Variants in SEPTIN6 observed in about 807,000 individuals in gnomAD.
SEPTIN6 encodes the protein septin 6.
A neutral mutation model predicts 33.6 loss-of-function variants in SEPTIN6; 8 were observed. The observed-to-expected ratio is 0.24, with a 90% CI of 0.14 to 0.43. The LOEUF (loss-of-function observed/expected upper bound fraction) is 0.43. Ranked by LOEUF, SEPTIN6 falls within the 20% of genes least tolerant of loss-of-function variation. The pLI is 1.00. For missense variants in SEPTIN6, 250 were observed against 340.8 expected, an observed-to-expected ratio of 0.73 and a Z score of 2.10; for synonymous variants, 131 against 140.0, an observed-to-expected ratio of 0.94 and a Z score of 0.45.
At chrX:119,661,780 C>A (rs2147575724) in intron 3 of SEPTIN6, among the ~76,000 whole-genome samples, 1 of 111,830 alleles carries the variant, frequency 8.9e-6, no homozygotes, top group South Asian at 3.8e-4. Flanking sequence ...GCTCTGCCGC[C>A]CAGGCTGGAG....
In SEPTIN6 at chrX:119,619,189, G is replaced by A. The variant is rs989193039; in HGVS notation, c.*904C>T. ...ACAGCTCAGTTTTCCAGCCTACAAA[G>A]TGGGATTTATTATTCCTGCTACTGG... On this transcript the variant is annotated 3_prime_UTR_variant, in exon 11 of 11. Transcript: ENST00000394610. 3.6e-6 allele frequency: 3 copies of A among 832,416 alleles called. No individual in the cohort carries two copies. The highest frequency in any genetic ancestry group is 4.3e-6 in the Non-Finnish European group (3 of 689,760). 68.6% of individuals were successfully genotyped at this position (832,416 alleles called of 1,213,427 possible). A position where few individuals can be genotyped will look rare whatever the true frequency, so the allele number is the denominator to read the frequency against.
At chrX:119,677,805 G>A (rs1024360035) in intron 1 of SEPTIN6, among the ~76,000 whole-genome samples, 71 of 112,623 alleles carry the variant, frequency 6.3e-4, no homozygotes, top group African/African-American at 1.9e-3. Flanking sequence ...GGCTAGTGCC[G>A]GTGAATGCCA....
chrX:119,650,549 A>C (rs1183011596), intron 4 of SEPTIN6, among the ~76,000 whole-genome samples: 2 of 111,547 alleles, frequency 1.8e-5, no homozygotes, highest in Non-Finnish European at 3.8e-5. Flanking sequence ...ACTGCTTGGG[A>C]GACTTGAAGC....
At chrX:119,687,248 C>CTTTT (rs761167270) in intron 1 of SEPTIN6, among the ~76,000 whole-genome samples, 10 of 97,601 alleles carry the variant, frequency 1.0e-4, no homozygotes, top group Non-Finnish European at 1.2e-4. Context: ...TTTCATCTGT[C>CTTTT]TTTTTTTTTT....
At chrX:119,665,917 T>A (rs112320379) in intron 2 of SEPTIN6, among the ~76,000 whole-genome samples, 7,886 of 109,241 alleles carry the variant, frequency 0.072, 544 homozygotes, top group African/African-American at 0.21. Flanking sequence ...CCGTCTCTAC[T>A]AAAAAAATAC....
At chrX:119,668,741 C>T (rs1022445463) in intron 2 of SEPTIN6, among the ~76,000 whole-genome samples, 1 of 111,586 alleles carries the variant, frequency 9.0e-6, no homozygotes, top group Non-Finnish European at 1.9e-5. Flanking sequence ...TCAGTTGAGG[C>T]CAGGAATTCG....
chrX:119,621,496 T>TGTGTGTGTGTGTG (rs1234941843), intron 10 of SEPTIN6, among the ~76,000 whole-genome samples: 62 of 102,672 alleles, frequency 6.0e-4, no homozygotes, highest in South Asian at 1.3e-3. Context: ...TGTGTGTGTA[T>TGTGTGTGTGTGTG]TTTTATTTCT....
Position 119,619,539 on chromosome X carries a change from C to T in SEPTIN6, c.*554G>A. 1 of 817,651 alleles carries T rather than the reference C, an allele frequency of 1.2e-6. No homozygotes were observed. Among genetic ancestry groups the T allele is most frequent in the East Asian group, 6.5e-5 (1 of 15,300 alleles). 67.4% of individuals were successfully genotyped at this position (817,651 alleles called of 1,213,427 possible). ...ACTCAAAGGTTAGAAGGAAAAGGCG[C>T]CAAAGGCTGTCCTTTTGAAACCCTC... On this transcript the variant is annotated 3_prime_UTR_variant, in exon 11 of 11. Transcript: ENST00000394610.
At position 119,680,819 on chromosome X, in the gene SEPTIN6, A is replaced by G. The variant is rs1454329314; in HGVS notation, c.31-5151T>C. 5.5e-5 allele frequency among the ~76,000 whole-genome samples: 6 copies of G among 108,381 alleles called. No homozygotes were observed. In the East Asian group the frequency reaches 1.5e-3, roughly 27 times the overall value. 94.1% of individuals were successfully genotyped at this position (108,381 alleles called of 115,157 possible). A position where few individuals can be genotyped will look rare whatever the true frequency, so the allele number is the denominator to read the frequency against. On this transcript the variant is annotated intron_variant, in intron 1 of 10. Transcript: ENST00000394610. ...AACATGGTGAAACCCCGTCTCTACT[A>G]AAAATACAAAAATTGGCTGGGCGCG... is the stretch of plus-strand genomic sequence containing the variant.
intron 3 of SEPTIN6, 24 bp downstream of exon 3, chrX:119,663,458 A>AAAC: frequency 2.7e-5 from 20 of 730,668 alleles, no homozygotes; most frequent in Non-Finnish European, 3.8e-5. Context: ...TCCCCACCCT[A>AAAC]CCCCACCCCA....
rs1268110260 is a variant in SEPTIN6 at position 119,693,135 on chromosome X, G to A, written c.-30C>T. 8.6e-7 allele frequency: 1 copy of A among 1,166,009 alleles called. No individual in the cohort carries two copies. Among genetic ancestry groups the A allele is most frequent in the Admixed American group, 2.6e-5 (1 of 38,977 alleles). On this transcript the variant is annotated 5_prime_UTR_variant, in exon 1 of 11. Transcript: ENST00000394610. ...CCTGCGTCCGCCAGGGCTGCCACGG[G>A]TGCCGCCGCAACGGGAGCTACTGCA...
chrX:119,636,966 C>A, intron 7 of SEPTIN6, 61 bp downstream of exon 7: 1 of 1,153,553 alleles, frequency 8.7e-7, no homozygotes, highest in East Asian at 3.0e-5. Flanking sequence ...AAGGCTTCCA[C>A]ACCACCTGAG....
chrX:119,641,024 C>A (rs1296926631), intron 5 of SEPTIN6, among the ~76,000 whole-genome samples: 1 of 112,270 alleles, frequency 8.9e-6, no homozygotes, highest in East Asian at 2.8e-4. Context: ...TGGCTGAATG[C>A]ATAGGGAACA....
At chrX:119,633,798 G>A (rs993131793) in intron 7 of SEPTIN6, among the ~76,000 whole-genome samples, 6 of 112,207 alleles carry the variant, frequency 5.3e-5, no homozygotes, top group Middle Eastern at 4.2e-3. Flanking sequence ...AAGGCCCCAC[G>A]GCTAGTTAGA....
chrX:119,617,462 G>A lies in SEPTIN6; in HGVS notation c.*2631C>T, dbSNP rs949158904. 2 of 802,211 alleles carry A rather than the reference G, an allele frequency of 2.5e-6. No individual in the cohort carries two copies. Among genetic ancestry groups the A allele is most frequent in the African/African-American group, 4.4e-5 (2 of 45,418 alleles). 66.1% of individuals were successfully genotyped at this position (802,211 alleles called of 1,213,427 possible). A position where few individuals can be genotyped will look rare whatever the true frequency, so the allele number is the denominator to read the frequency against. On this transcript the variant is annotated 3_prime_UTR_variant, in exon 11 of 11. Coordinates refer to ENST00000394610, the MANE Select transcript of SEPTIN6 (RefSeq NM_145799.4). Reference sequence around the variant, plus strand: ...GGCACCTGTTACACACAGTCTCCTGGACCCCGTTCCAGCCTTGCAGCATCA... The same window carrying A: ...GGCACCTGTTACACACAGTCTCCTGAACCCCGTTCCAGCCTTGCAGCATCA...
chrX:119,618,133 C>T lies in SEPTIN6; in HGVS notation c.*1960G>A, dbSNP rs1195892702. 7 of 792,043 alleles carry T rather than the reference C, an allele frequency of 8.8e-6. No homozygotes were observed. The African/African-American group carries it at 9.1e-5, about 10-fold the overall frequency. The allele number at this position is 792,043 out of a possible 1,213,427, so 65.3% of individuals were successfully genotyped here. A position where few individuals can be genotyped will look rare whatever the true frequency, so the allele number is the denominator to read the frequency against. ...AGACCTGACAGGCCTAACTCAGCAT[C>T]TCTCTGAGCTACTGGCTGAGTATCT... On this transcript the variant is annotated 3_prime_UTR_variant, in exon 11 of 11. Transcript: ENST00000394610.
At chrX:119,636,506 T>C (rs1191940865) in intron 7 of SEPTIN6, among the ~76,000 whole-genome samples, 1 of 111,966 alleles carries the variant, frequency 8.9e-6, no homozygotes, top group Non-Finnish European at 1.9e-5. Flanking sequence ...AGGACAGCAA[T>C]TGGAGAGCCT....
chrX:119,687,211 CTT>C (rs1449487830), intron 1 of SEPTIN6, among the ~76,000 whole-genome samples: 1 of 107,685 alleles, frequency 9.3e-6, no homozygotes, highest in African/African-American at 3.4e-5. Flanking sequence ...TTCTTTCCTT[CTT>C]TTTCCTTCTT....
In SEPTIN6 at chrX:119,618,144, A is replaced by C; in HGVS notation, c.*1949T>G. 1.3e-6 allele frequency: 1 copy of C among 775,225 alleles called. No individual in the cohort carries two copies. The highest frequency in any genetic ancestry group is 1.5e-6 in the Non-Finnish European group (1 of 651,043). The allele number at this position is 775,225 out of a possible 1,213,427, so 63.9% of individuals were successfully genotyped here. A position where few individuals can be genotyped will look rare whatever the true frequency, so the allele number is the denominator to read the frequency against. On this transcript the variant is annotated 3_prime_UTR_variant, in exon 11 of 11. Transcript: ENST00000394610. ...GCCTAACTCAGCATCTCTCTGAGCTACTGGCTGAGTATCTGAGCAGATTTT... is the reference window on the plus strand; with the variant it reads ...GCCTAACTCAGCATCTCTCTGAGCTCCTGGCTGAGTATCTGAGCAGATTTT...
Sources: gnomAD v4.1 joint callset for allele counts (sites outside exome capture counted in the v4.1 genomes callset) on GRCh38, gnomAD v4.1.1 for gene constraint, MANE v1.5 for transcripts, NCBI Gene and HGNC (gene_info 2026-07-23, HGNC 2026-07-21) for gene names.